COX7B2: variants seen among roughly 807,000 people sequenced by gnomAD.
The protein encoded by COX7B2 is cytochrome c oxidase subunit 7B2, also known as cytochrome c oxidase subunit 7B2, mitochondrial.
For synonymous variants in COX7B2, 37 were observed against 32.1 expected, an observed-to-expected ratio of 1.15 and a Z score of -0.51; for missense variants, 109 against 95.9, an observed-to-expected ratio of 1.14 and a Z score of -0.57.
At chr4:46,752,040 C>CG (rs1345392402) in intron 2 of COX7B2, among the ~76,000 whole-genome samples, 1 of 152,122 alleles carries the variant, frequency 6.6e-6, no homozygotes, top group African/African-American at 2.4e-5. Context: ...TTGATTCTTC[C>CG]TATCCATGAG....
At chr4:46,825,344 C>A (rs762446262) in intron 2 of COX7B2, among the ~76,000 whole-genome samples, 10 of 151,964 alleles carry the variant, frequency 6.6e-5, no homozygotes, top group Non-Finnish European at 4.4e-5. Context: ...AAGACCTCTA[C>A]AATGAAATTT....
intron 1 of COX7B2, among the ~76,000 whole-genome samples, chr4:46,849,176 TGCA>T (rs1258966652): frequency 2.6e-5 from 4 of 152,052 alleles, no homozygotes; most frequent in African/African-American, 9.7e-5. Flanking sequence ...TATATGGCTC[TGCA>T]AGTGCTAGTA....
chr4:46,904,752 T>C (rs1720272158), intron 1 of COX7B2, among the ~76,000 whole-genome samples: 1 of 152,146 alleles, frequency 6.6e-6, no homozygotes, highest in Non-Finnish European at 1.5e-5. Flanking sequence ...AAAATATTAA[T>C]TCCATGCAAC....
At chr4:46,879,598 G>C (rs1361353354) in intron 1 of COX7B2, among the ~76,000 whole-genome samples, 1 of 151,146 alleles carries the variant, frequency 6.6e-6, no homozygotes, top group East Asian at 2.0e-4. Context: ...TGATCCATTA[G>C]AGTATGTTGC....
chr4:46,746,127 C>A (rs1378099583), intron 2 of COX7B2, among the ~76,000 whole-genome samples: 1 of 152,036 alleles, frequency 6.6e-6, no homozygotes, highest in Non-Finnish European at 1.5e-5. Flanking sequence ...AAATAAAAAA[C>A]CATCAGATCT....
chr4:46,820,834 A>AAAT (rs1217728599), intron 2 of COX7B2, among the ~76,000 whole-genome samples: 46 of 129,210 alleles, frequency 3.6e-4, no homozygotes, highest in African/African-American at 1.2e-3. Context: ...AAAAAAAAAA[A>AAAT]ATATATATAT....
rs1365355049 is a variant in COX7B2, at chr4:46,868,834, A to C, written c.-104-23820T>G. On this transcript the variant is annotated intron_variant, in intron 1 of 2. Transcript: ENST00000355591. ...GTAAGTGGCATGTGGCAATGAGAAG[A>C]ATGTGTATTCTGTTGGTTTTTGGTG... 3.3e-5 allele frequency among the ~76,000 whole-genome samples: 5 copies of C among 152,268 alleles called. 1 individual carries two copies. The South Asian group carries it at 6.2e-4, about 19-fold the overall frequency.
At chr4:46,811,779 C>T (rs1204104458) in intron 2 of COX7B2, among the ~76,000 whole-genome samples, 1 of 152,146 alleles carries the variant, frequency 6.6e-6, no homozygotes, top group Non-Finnish European at 1.5e-5. Context: ...CTTTACAGAG[C>T]AGCTTTCATA....
At chr4:46,899,826 T>C (rs1347429402) in intron 1 of COX7B2, among the ~76,000 whole-genome samples, 1 of 152,190 alleles carries the variant, frequency 6.6e-6, no homozygotes, top group Non-Finnish European at 1.5e-5. Flanking sequence ...AGCTATCATT[T>C]GTAGAGTACT....
intron 2 of COX7B2, among the ~76,000 whole-genome samples, chr4:46,822,435 G>C (rs1369307633): frequency 6.6e-6 from 1 of 152,064 alleles, no homozygotes; most frequent in Non-Finnish European, 1.5e-5. Context: ...CTGGGGCACA[G>C]AGGAAGAGAG....
chr4:46,781,389 G>A (rs1717437430), intron 2 of COX7B2, among the ~76,000 whole-genome samples: 1 of 152,218 alleles, frequency 6.6e-6, no homozygotes, highest in Non-Finnish European at 1.5e-5. Context: ...ACCAAGATTA[G>A]TTAGAATTGA....
intron 2 of COX7B2, among the ~76,000 whole-genome samples, chr4:46,813,611 G>A (rs1177146664): frequency 6.6e-6 from 1 of 152,126 alleles, no homozygotes; most frequent in East Asian, 1.9e-4. Context: ...TTCATGCTGG[G>A]CTTAAAACCT....
At chr4:46,806,877 C>G (rs1020432218) in intron 2 of COX7B2, among the ~76,000 whole-genome samples, 3 of 151,918 alleles carry the variant, frequency 2.0e-5, no homozygotes, top group Admixed American at 2.0e-4. Context: ...AATAATATCC[C>G]ATTGTATTTA....
intron 2 of COX7B2, among the ~76,000 whole-genome samples, chr4:46,813,751 A>G (rs1044693870): frequency 2.0e-5 from 3 of 152,206 alleles, no homozygotes; most frequent in Non-Finnish European, 4.4e-5. Context: ...CAGAGTAAAG[A>G]GACAACTTGT....
chr4:46,877,820 A>C (rs1718437862), intron 1 of COX7B2, among the ~76,000 whole-genome samples: 1 of 152,142 alleles, frequency 6.6e-6, no homozygotes, highest in Admixed American at 6.5e-5. Flanking sequence ...AAACTGTTTG[A>C]AGGTTCCTAA....
At chr4:46,759,076 T>C (rs565605984) in intron 2 of COX7B2, among the ~76,000 whole-genome samples, 1 of 152,140 alleles carries the variant, frequency 6.6e-6, no homozygotes, top group Non-Finnish European at 1.5e-5. Context: ...ACTGAGAATA[T>C]AGTTTGCAGA....
intron 1 of COX7B2, among the ~76,000 whole-genome samples, chr4:46,879,472 C>A (rs62303661): frequency 0.12 from 18,540 of 151,642 alleles, 1,680 homozygotes; most frequent in East Asian, 0.31. Flanking sequence ...GAACTGCTGG[C>A]CTCAAGCGTT....
chr4:46,804,868 C>T (rs969548227), intron 2 of COX7B2, among the ~76,000 whole-genome samples: 6 of 152,314 alleles, frequency 3.9e-5, no homozygotes, highest in African/African-American at 9.6e-5. Context: ...GACTGGGCAC[C>T]GTGGAGCAGG....
At chr4:46,802,172 A>G (rs1718689948) in intron 2 of COX7B2, among the ~76,000 whole-genome samples, 3 of 152,126 alleles carry the variant, frequency 2.0e-5, no homozygotes, top group African/African-American at 7.2e-5. Context: ...TGTCTAAGGG[A>G]CCAGTGCTTA....
Sources: allele counts gnomAD v4.1 joint callset (sites outside exome capture counted in the v4.1 genomes callset), GRCh38; gene constraint gnomAD v4.1.1; transcripts MANE v1.5; gene names NCBI Gene and HGNC (gene_info 2026-07-23, HGNC 2026-07-21).